IQCM: variants seen among roughly 807,000 people sequenced by gnomAD.
The protein encoded by IQCM is IQ motif containing M.
IQCM carries 45 observed loss-of-function variants against 57.6 expected under a neutral mutation model. The ratio of observed to expected loss-of-function variants is 0.78; its 90% CI spans 0.62 to 1.00. The LOEUF (loss-of-function observed/expected upper bound fraction) is 1.00, where lower values mean the gene tolerates loss of function less well. Among genes scored for constraint, IQCM ranks in the 50% least tolerant of loss-of-function variants. IQCM has a pLI of 0.00. For missense variants in IQCM, 468 were observed against 511.6 expected (o/e 0.91, Z 0.82); for synonymous variants, 148 against 158.9 (o/e 0.93, Z 0.51).
chr4:149,810,579 A>C (rs1250256171), intron 2 of IQCM, among the ~76,000 whole-genome samples: 1 of 151,708 alleles, frequency 6.6e-6, no homozygotes, highest in Non-Finnish European at 1.5e-5. Flanking sequence ...CCTCCTGAGC[A>C]GCTGGGATTA....
chr4:149,354,363 C>CAAAAAAAAAAAAAAAAAAAAA (rs70965178), intron 13 of IQCM, among the ~76,000 whole-genome samples: 1 of 20,250 alleles, frequency 4.9e-5, no homozygotes, highest in African/African-American at 2.1e-4. Flanking sequence ...GACTCCGTCT[C>CAAAAAAAAAAAAAAAAAAAAA]AAAAAAAAAA....
chr4:149,357,012 G>A (rs948249012), intron 13 of IQCM, among the ~76,000 whole-genome samples: 32 of 152,248 alleles, frequency 2.1e-4, no homozygotes, highest in African/African-American at 7.7e-4. Flanking sequence ...AAGCAATTGT[G>A]AATGGGAGTT....
intron 5 of IQCM, among the ~76,000 whole-genome samples, chr4:149,727,973 T>C (rs950260814): frequency 6.6e-6 from 1 of 152,182 alleles, no homozygotes; most frequent in Non-Finnish European, 1.5e-5. Flanking sequence ...AAATTGGCTA[T>C]GTTAAGAGTA....
At chr4:149,481,715 T>TG (rs1175028121) in intron 12 of IQCM, among the ~76,000 whole-genome samples, 1 of 138,340 alleles carries the variant, frequency 7.2e-6, no homozygotes, top group African/African-American at 2.6e-5. Context: ...TTTTTTTTTT[T>TG]TTTTTTTGCT....
intron 2 of IQCM, among the ~76,000 whole-genome samples, chr4:149,778,389 A>C (rs938183693): frequency 1.3e-5 from 2 of 152,144 alleles, no homozygotes; most frequent in Non-Finnish European, 2.9e-5. Flanking sequence ...AAAAAAAGAA[A>C]AGAAAAATTA....
chr4:149,719,218 C>G (rs1264012606), intron 5 of IQCM, among the ~76,000 whole-genome samples: 1 of 151,924 alleles, frequency 6.6e-6, no homozygotes, highest in African/African-American at 2.4e-5. Context: ...GTGGCACATG[C>G]CTGTAATCCC....
At chr4:149,421,956 C>G (rs979153424) in intron 13 of IQCM, among the ~76,000 whole-genome samples, 15 of 151,932 alleles carry the variant, frequency 9.9e-5, no homozygotes, top group African/African-American at 2.9e-4. Flanking sequence ...TAATGACATA[C>G]CTTTAATAGA....
intron 5 of IQCM, among the ~76,000 whole-genome samples, chr4:149,718,084 C>G (rs924788720): frequency 6.6e-5 from 10 of 152,142 alleles, no homozygotes; most frequent in African/African-American, 2.4e-4. Context: ...AAAAGGCCCT[C>G]CTGCCTACAA....
chr4:149,595,480 T>C (rs1266086021), intron 8 of IQCM, among the ~76,000 whole-genome samples: 3 of 152,140 alleles, frequency 2.0e-5, no homozygotes, highest in Non-Finnish European at 4.4e-5. Context: ...CATATAAAAT[T>C]ACAAATTATA....
At chr4:149,519,403 C>T (rs1406929890) in intron 12 of IQCM, among the ~76,000 whole-genome samples, 3 of 152,054 alleles carry the variant, frequency 2.0e-5, no homozygotes, top group Admixed American at 6.6e-5. Context: ...AGGCAGATCA[C>T]GAGGTCAGGA....
At chr4:149,779,533 C>G (rs952009363) in intron 2 of IQCM, among the ~76,000 whole-genome samples, 1 of 152,052 alleles carries the variant, frequency 6.6e-6, no homozygotes, top group Non-Finnish European at 1.5e-5. Flanking sequence ...GATACTAGAA[C>G]AAATGGATAT....
At chr4:149,633,003 T>C (rs1757405883) in intron 7 of IQCM, among the ~76,000 whole-genome samples, 1 of 148,176 alleles carries the variant, frequency 6.7e-6, no homozygotes, top group Non-Finnish European at 1.5e-5. Context: ...CTACTAAAAA[T>C]ACAAAAAATT....
intron 7 of IQCM, among the ~76,000 whole-genome samples, chr4:149,658,808 T>A (rs1759876634): frequency 6.6e-6 from 1 of 152,104 alleles, no homozygotes; most frequent in Non-Finnish European, 1.5e-5. Context: ...ATGCTACTGA[T>A]TTTTGTATGT....
At chr4:149,809,419 G>C (rs1774360304) in intron 2 of IQCM, among the ~76,000 whole-genome samples, 1 of 152,098 alleles carries the variant, frequency 6.6e-6, no homozygotes. Context: ...AGATAACCAA[G>C]TGGGTTTTTT....
At chr4:149,640,530 C>T (rs1360224400) in intron 7 of IQCM, among the ~76,000 whole-genome samples, 1 of 152,254 alleles carries the variant, frequency 6.6e-6, no homozygotes. Flanking sequence ...ATCATCTTCT[C>T]TTCTCTTAAT....
At chr4:149,774,281 A>ATT (rs1325063814) in intron 2 of IQCM, among the ~76,000 whole-genome samples, 2 of 151,896 alleles carry the variant, frequency 1.3e-5, no homozygotes, top group Admixed American at 6.6e-5. Context: ...TTAAGTATAT[A>ATT]CACGCTGGTC....
chr4:149,737,917 T>C (rs1415733964), intron 3 of IQCM, among the ~76,000 whole-genome samples: 1 of 152,182 alleles, frequency 6.6e-6, no homozygotes, highest in Non-Finnish European at 1.5e-5. Flanking sequence ...TCCCTTACAA[T>C]TACTTTAATT....
intron 13 of IQCM, among the ~76,000 whole-genome samples, chr4:149,375,102 G>T (rs1730622254): frequency 6.6e-6 from 1 of 151,788 alleles, no homozygotes; most frequent in Non-Finnish European, 1.5e-5. Context: ...TCGTATCAAA[G>T]AATACATATT....
At chr4:149,664,106 C>CATTGAATTTA (rs1760473634) in intron 7 of IQCM, among the ~76,000 whole-genome samples, 1 of 152,036 alleles carries the variant, frequency 6.6e-6, no homozygotes, top group African/African-American at 2.4e-5. Flanking sequence ...ATTTTTACTT[C>CATTGAATTTA]ATTCATTGAA....
Sources: gnomAD v4.1 joint callset for allele counts (sites outside exome capture counted in the v4.1 genomes callset) on GRCh38, gnomAD v4.1.1 for gene constraint, MANE v1.5 for transcripts, NCBI Gene and HGNC (gene_info 2026-07-23, HGNC 2026-07-21) for gene names.